Variants in MAL observed in about 807,000 individuals in gnomAD.
MAL encodes myelin and lymphocyte protein.
Under a neutral mutation model 16.7 loss-of-function variants are expected in MAL, and 5 were observed. The observed-to-expected ratio is 0.30, with a 90% CI of 0.16 to 0.63. The LOEUF (loss-of-function observed/expected upper bound fraction) is 0.63. Among genes scored for constraint, MAL ranks in the 30% least tolerant of loss-of-function variants. MAL has a pLI of 0.82. For missense variants in MAL, 202 were observed against 195.8 expected (o/e 1.03, Z -0.19); for synonymous variants, 96 against 85.5 (o/e 1.12, Z -0.67).
chr2:95,026,329 G>C (rs766014504), intron 1 of MAL: 1 of 154,726 alleles, frequency 6.5e-6, no homozygotes, highest in Non-Finnish European at 1.4e-5. Flanking sequence ...AGAAACATTA[G>C]TATTACCAAC....
chr2:95,048,858 C>G (rs761557383), intron 2 of MAL, among the ~76,000 whole-genome samples: 17 of 152,150 alleles, frequency 1.1e-4, no homozygotes, highest in Non-Finnish European at 1.8e-4. Context: ...ATTCTGTCAC[C>G]CAGGCTGGAG....
intron 1 of MAL, among the ~76,000 whole-genome samples, chr2:95,043,176 G>A (rs1484764560): frequency 6.6e-6 from 1 of 152,212 alleles, no homozygotes; most frequent in African/African-American, 2.4e-5. Context: ...TGGTTAACCA[G>A]TTAGGTCCAC....
At chr2:95,035,843 G>A (rs1233248507) in intron 1 of MAL, among the ~76,000 whole-genome samples, 2 of 151,902 alleles carry the variant, frequency 1.3e-5, no homozygotes, top group Non-Finnish European at 2.9e-5. Context: ...CTAATTTTTT[G>A]TATTTTTAGT....
intron 1 of MAL, among the ~76,000 whole-genome samples, chr2:95,030,136 C>A (rs547983715): frequency 1.3e-5 from 2 of 152,298 alleles, no homozygotes; most frequent in South Asian, 4.1e-4. Context: ...TGGGGCATAG[C>A]AACCTCTCCT....
intron 1 of MAL, among the ~76,000 whole-genome samples, chr2:95,037,201 GTGAGTGAC>G (rs1379096978): frequency 2.0e-4 from 30 of 148,404 alleles, no homozygotes; most frequent in African/African-American, 4.0e-4. Context: ...GACTGAGTAG[GTGAGTGAC>G]TGAGTGACTG....
chr2:95,046,889 G>A (rs1169711018), intron 1 of MAL, among the ~76,000 whole-genome samples: 2 of 146,350 alleles, frequency 1.4e-5, no homozygotes, highest in African/African-American at 2.5e-5. Flanking sequence ...GAGAGAGAGA[G>A]AAAAGAAAGA....
intron 1 of MAL, among the ~76,000 whole-genome samples, chr2:95,032,895 G>C (rs1362879482): frequency 6.6e-6 from 1 of 152,196 alleles, no homozygotes; most frequent in Non-Finnish European, 1.5e-5. Flanking sequence ...CCAGGATTGG[G>C]TGAATCATTT....
intron 1 of MAL, among the ~76,000 whole-genome samples, chr2:95,038,243 TGTGA>T (rs1441779878): frequency 1.3e-5 from 1 of 76,348 alleles, no homozygotes; most frequent in Non-Finnish European, 2.6e-5. Context: ...TGACTGAGTG[TGTGA>T]GTGACTGACT....
intron 1 of MAL, among the ~76,000 whole-genome samples, chr2:95,035,164 C>T (rs888508566): frequency 4.6e-5 from 7 of 152,170 alleles, no homozygotes; most frequent in Admixed American, 1.3e-4. Flanking sequence ...AGCCTTCTGT[C>T]GCCTCTGGCA....
chr2:95,044,041 C>T (rs555879571), intron 1 of MAL, among the ~76,000 whole-genome samples: 24 of 152,270 alleles, frequency 1.6e-4, no homozygotes, highest in African/African-American at 5.1e-4. Context: ...CCCAGGGCCC[C>T]CTGAATGGTG....
At position 95,049,563 on chromosome 2, in the gene MAL, AC is replaced by A; in HGVS notation, c.262-14del. On this transcript the variant is annotated splice_polypyrimidine_tract_variant and intron_variant, in intron 2 of 3. Transcript: ENST00000309988. ...GTCTCTCTCTCCCCATCCCTCTGAC[AC>A]CCCGTCTGCCCCATAGGACGCAGCC... 1 of 1,613,600 alleles carries A rather than the reference AC, an allele frequency of 6.2e-7. No homozygotes were observed. Among genetic ancestry groups the A allele is most frequent in the Non-Finnish European group, 8.5e-7 (1 of 1,179,752 alleles).
At chr2:95,038,196 G>C (rs1384549726) in intron 1 of MAL, among the ~76,000 whole-genome samples, 14 of 138,688 alleles carry the variant, frequency 1.0e-4, no homozygotes, top group South Asian at 5.0e-4. Flanking sequence ...GAGTTACTGA[G>C]TGAGTGAGTG....
At chr2:95,035,667 ATTT>A (rs747522452) in intron 1 of MAL, among the ~76,000 whole-genome samples, 4 of 130,948 alleles carry the variant, frequency 3.1e-5, no homozygotes, top group Non-Finnish European at 3.3e-5. Flanking sequence ...CAGCTCTTAG[ATTT>A]TTTTTTTTTT....
chr2:95,051,897 C>T (rs1674729432), intron 3 of MAL: 1 of 152,190 alleles, frequency 6.6e-6, no homozygotes, highest in African/African-American at 2.4e-5. Context: ...GGATTCAATC[C>T]CAGACCCGCC....
chr2:95,052,076 C>T (rs562924348), intron 3 of MAL, among the ~76,000 whole-genome samples: 16 of 152,286 alleles, frequency 1.1e-4, no homozygotes, highest in Admixed American at 4.6e-4. Flanking sequence ...TTGTGGGTGG[C>T]GGAGCTGCTT....
chr2:95,045,308 C>A (rs1398261166), intron 1 of MAL, among the ~76,000 whole-genome samples: 4 of 152,314 alleles, frequency 2.6e-5, no homozygotes, highest in African/African-American at 9.6e-5. Context: ...ATAACGGAGT[C>A]TCTTCCCAAC....
chr2:95,039,328 C>CTGAGTGAGTGAG (rs1170081356), intron 1 of MAL, among the ~76,000 whole-genome samples: 14 of 83,226 alleles, frequency 1.7e-4, no homozygotes, highest in Admixed American at 3.6e-4. Flanking sequence ...GAGTGAGTGA[C>CTGAGTGAGTGAG]TGAGTGAGTG....
chr2:95,036,297 C>T (rs1558657484), intron 1 of MAL, among the ~76,000 whole-genome samples: 1 of 152,190 alleles, frequency 6.6e-6, no homozygotes, highest in Admixed American at 6.5e-5. Flanking sequence ...GAATCTCGGA[C>T]CCCTCCCCCG....
intron 1 of MAL, among the ~76,000 whole-genome samples, chr2:95,028,850 T>C (rs908354181): frequency 3.3e-5 from 5 of 152,222 alleles, no homozygotes; most frequent in African/African-American, 1.2e-4. Flanking sequence ...CTGGAATAGA[T>C]AAATCCATAG....
Sources: gnomAD v4.1 joint callset for allele counts (sites outside exome capture counted in the v4.1 genomes callset) on GRCh38, gnomAD v4.1.1 for gene constraint, MANE v1.5 for transcripts, NCBI Gene and HGNC (gene_info 2026-07-23, HGNC 2026-07-21) for gene names.